Variants in FGGY observed in about 807,000 individuals in gnomAD.
The protein encoded by FGGY is FGGY carbohydrate kinase domain-containing protein.
In FGGY, 72 loss-of-function variants were observed where a neutral mutation model predicts 71.3. The ratio of observed to expected loss-of-function variants is 1.01; its 90% confidence interval spans 0.84 to 1.23. FGGY has a LOEUF of 1.23. Among genes scored for constraint, FGGY ranks in the 50% most tolerant of loss-of-function variants. The probability of loss-of-function intolerance (pLI) is 0.00; values close to 1 mark genes in which losing one functional copy is unlikely to be tolerated. For missense variants in FGGY, 668 were observed against 682.3 expected (o/e 0.98, Z 0.23); for synonymous variants, 251 against 250.3 (o/e 1.00, Z -0.02).
At chr1:59,526,888 C>G (rs2094999891) in intron 7 of FGGY, among the ~76,000 whole-genome samples, 1 of 152,144 alleles carries the variant, frequency 6.6e-6, no homozygotes, top group Non-Finnish European at 1.5e-5. Context: ...TTCCCTTCTG[C>G]AAATGGGGAT....
chr1:59,650,002 A>C (rs1185104270), intron 11 of FGGY, among the ~76,000 whole-genome samples: 1 of 148,306 alleles, frequency 6.7e-6, no homozygotes, highest in South Asian at 2.1e-4. Context: ...GCATCTGTTG[A>C]GATAATCATG....
intron 8 of FGGY, among the ~76,000 whole-genome samples, chr1:59,566,361 A>G (rs1485217135): frequency 6.6e-6 from 1 of 152,030 alleles, no homozygotes; most frequent in Non-Finnish European, 1.5e-5. Context: ...CTCTTCTCCT[A>G]TTCTGTTTGT....
intron 11 of FGGY, chr1:59,641,155 G>A (rs1558641490): frequency 1.5e-6 from 1 of 660,408 alleles, no homozygotes; most frequent in Non-Finnish European, 2.7e-6. Context: ...TATTCTAGAG[G>A]GAAGAGAGCA....
chr1:59,480,346 C>T (rs116793771), intron 6 of FGGY, among the ~76,000 whole-genome samples: 1 of 152,182 alleles, frequency 6.6e-6, no homozygotes. Flanking sequence ...CTTCTCACCG[C>T]AAGATCTGCT....
intron 10 of FGGY, among the ~76,000 whole-genome samples, chr1:59,631,113 C>T (rs1298248536): frequency 6.6e-6 from 1 of 152,094 alleles, no homozygotes; most frequent in Non-Finnish European, 1.5e-5. Context: ...TCACTTTTTC[C>T]TCCTTTTAAC....
intron 9 of FGGY, among the ~76,000 whole-genome samples, chr1:59,610,897 A>G (rs776472758): frequency 1.1e-4 from 17 of 152,254 alleles, no homozygotes; most frequent in Non-Finnish European, 2.5e-4. Context: ...TCCCACGCCC[A>G]CAGAGCCTTG....
At chr1:59,568,731 A>T (rs1458485185) in intron 8 of FGGY, among the ~76,000 whole-genome samples, 1 of 152,062 alleles carries the variant, frequency 6.6e-6, no homozygotes, top group Non-Finnish European at 1.5e-5. Flanking sequence ...ACAGCTGTTT[A>T]TGCATAGCTG....
intron 7 of FGGY, among the ~76,000 whole-genome samples, chr1:59,551,194 A>C (rs753072933): frequency 4.6e-5 from 7 of 152,100 alleles, no homozygotes. Flanking sequence ...ATATCACAAC[A>C]ACCATGTGAT....
At chr1:59,356,777 C>T (rs1221251377) in intron 4 of FGGY, among the ~76,000 whole-genome samples, 1 of 152,122 alleles carries the variant, frequency 6.6e-6, no homozygotes, top group African/African-American at 2.4e-5. Context: ...CATTACTGTT[C>T]CTTTCCATCC....
intron 7 of FGGY, among the ~76,000 whole-genome samples, chr1:59,545,636 G>A (rs1210788811): frequency 6.6e-6 from 1 of 151,688 alleles, no homozygotes; most frequent in Non-Finnish European, 1.5e-5. Flanking sequence ...GCCTACCTTT[G>A]AGATTTGATC....
intron 6 of FGGY, among the ~76,000 whole-genome samples, chr1:59,466,710 C>T (rs534369135): frequency 1.7e-3 from 261 of 152,324 alleles, no homozygotes; most frequent in African/African-American, 5.4e-3. Context: ...TGAACAGACA[C>T]TTCTCAAAAG....
chr1:59,521,854 A>C (rs770654556), intron 7 of FGGY, among the ~76,000 whole-genome samples: 17 of 152,204 alleles, frequency 1.1e-4, no homozygotes, highest in Admixed American at 2.0e-4. Flanking sequence ...TAATGGCCAC[A>C]GGCAGCTTCA....
intron 4 of FGGY, among the ~76,000 whole-genome samples, chr1:59,354,800 G>C (rs2053984860): frequency 2.0e-5 from 3 of 152,182 alleles, no homozygotes; most frequent in Admixed American, 1.3e-4. Context: ...AAGTAATTTT[G>C]TTTTCTGGAA....
chr1:59,544,767 T>A (rs1163696236), intron 7 of FGGY, among the ~76,000 whole-genome samples: 3 of 152,188 alleles, frequency 2.0e-5, no homozygotes, highest in Non-Finnish European at 2.9e-5. Context: ...TGAGAAAGAA[T>A]CAAATATACA....
chr1:59,385,528 A>G (rs1322939728), intron 5 of FGGY, among the ~76,000 whole-genome samples: 1 of 152,214 alleles, frequency 6.6e-6, no homozygotes, highest in Admixed American at 6.5e-5. Context: ...GTAATTTGCC[A>G]CATTCTTGCT....
intron 8 of FGGY, among the ~76,000 whole-genome samples, chr1:59,569,610 T>A (rs2095944694): frequency 6.6e-6 from 1 of 152,164 alleles, no homozygotes. Flanking sequence ...AGATTGAGAT[T>A]GTTCAGAGAA....
At chr1:59,422,929 A>T (rs2065711715) in intron 5 of FGGY, among the ~76,000 whole-genome samples, 1 of 152,168 alleles carries the variant, frequency 6.6e-6, no homozygotes. Context: ...TTTTGTATTC[A>T]GTAAAATTAA....
At chr1:59,699,294 A>C (rs2097690309) in intron 14 of FGGY, 1 of 984,804 alleles carries the variant, frequency 1.0e-6, no homozygotes, top group Non-Finnish European at 1.2e-6. Context: ...TTAAAAATTC[A>C]ATTAGAGATA....
intron 10 of FGGY, among the ~76,000 whole-genome samples, chr1:59,627,539 T>A (rs1040168898): frequency 1.3e-4 from 19 of 149,438 alleles, no homozygotes; most frequent in South Asian, 2.1e-4. Flanking sequence ...TAAATATAGA[T>A]ATGTATATTC....
Sources: gnomAD v4.1 joint callset for allele counts (sites outside exome capture counted in the v4.1 genomes callset) on GRCh38, gnomAD v4.1.1 for gene constraint, MANE v1.5 for transcripts, NCBI Gene and HGNC (gene_info 2026-07-23, HGNC 2026-07-21) for gene names.